SGIP1: variants seen among roughly 807,000 people sequenced by gnomAD.
SGIP1 encodes SH3GL interacting endocytic adaptor 1, also known as SH3-containing GRB2-like protein 3-interacting protein 1.
A neutral mutation model predicts 107.5 loss-of-function variants in SGIP1; 38 were observed. The observed-to-expected ratio is 0.35, with a 90% CI of 0.27 to 0.46. SGIP1 has a LOEUF of 0.46. Among genes scored for constraint, SGIP1 ranks in the 20% least tolerant of loss-of-function variants. SGIP1 has a pLI of 1.00. For synonymous variants in SGIP1, 365 were observed against 366.1 expected, an observed-to-expected ratio of 1.00 and a Z score of 0.03; for missense variants, 929 against 1,019.5, an observed-to-expected ratio of 0.91 and a Z score of 1.21.
At chr1:66,582,192 A>C (rs1436309209) in intron 1 of SGIP1, among the ~76,000 whole-genome samples, 1 of 152,092 alleles carries the variant, frequency 6.6e-6, no homozygotes, top group African/African-American at 2.4e-5. Context: ...TCTTGATTTT[A>C]AAAGGGCTCA....
At chr1:66,600,081 G>C (rs774864545) in intron 1 of SGIP1, among the ~76,000 whole-genome samples, 1 of 152,090 alleles carries the variant, frequency 6.6e-6, no homozygotes, top group African/African-American at 2.4e-5. Context: ...CAGCTTTCTC[G>C]GGCTCAGTGA....
At chr1:66,670,524 C>G (rs1285272795) in intron 9 of SGIP1, among the ~76,000 whole-genome samples, 1 of 152,182 alleles carries the variant, frequency 6.6e-6, no homozygotes, top group African/African-American at 2.4e-5. Context: ...CACTTGCTAT[C>G]TATACCTTTT....
At chr1:66,739,220 G>A (rs1334234619) in intron 21 of SGIP1, 115 bp from the exon 22 acceptor site, 14 of 1,109,378 alleles carry the variant, frequency 1.3e-5, no homozygotes, top group East Asian at 1.0e-4. Flanking sequence ...CACGCTTCAC[G>A]GTGCCTCTCA....
chr1:66,738,435 C>T (rs2094340769), intron 21 of SGIP1, among the ~76,000 whole-genome samples: 1 of 152,232 alleles, frequency 6.6e-6, no homozygotes, highest in Non-Finnish European at 1.5e-5. Context: ...TGAGAAGTGA[C>T]TTTCTTAGAC....
intron 1 of SGIP1, among the ~76,000 whole-genome samples, chr1:66,625,370 A>G (rs931168850): frequency 6.6e-6 from 1 of 152,242 alleles, no homozygotes; most frequent in African/African-American, 2.4e-5. Context: ...GACTGGAGGA[A>G]GCAGTAAAAG....
chr1:66,617,474 G>A (rs1403184162), intron 1 of SGIP1, among the ~76,000 whole-genome samples: 1 of 152,216 alleles, frequency 6.6e-6, no homozygotes, highest in African/African-American at 2.4e-5. Flanking sequence ...TTTTCTGACA[G>A]AAATACAGTG....
Position 66,727,766 on chromosome 1 carries a change from C to CA in SGIP1, c.1743-1492dup, listed in dbSNP as rs541668134. 3.1e-3 allele frequency among the ~76,000 whole-genome samples: 471 copies of CA among 152,050 alleles called. 3 individuals carry two copies. Among genetic ancestry groups the CA allele is most frequent in the African/African-American group, 0.011 (449 of 41,482 alleles). Reference sequence around the variant, plus strand: ...AAATAATTATGTGCAGTGAAAGAAACAAAAAATCACACACCTTACAATTCT... The same window carrying CA: ...AAATAATTATGTGCAGTGAAAGAAACAAAAAAATCACACACCTTACAATTCT... On this transcript the variant is annotated intron_variant, in intron 19 of 24. Coordinates refer to ENST00000371037, the MANE Select transcript of SGIP1 (RefSeq NM_032291.4).
chr1:66,724,840 G>C (rs2093686800), intron 19 of SGIP1, among the ~76,000 whole-genome samples: 1 of 152,180 alleles, frequency 6.6e-6, no homozygotes, highest in African/African-American at 2.4e-5. Context: ...TTCCCTACCA[G>C]TTAAAGAACA....
chr1:66,640,184 T>C (rs2076515882), intron 5 of SGIP1, among the ~76,000 whole-genome samples: 1 of 152,192 alleles, frequency 6.6e-6, no homozygotes, highest in Admixed American at 6.5e-5. Flanking sequence ...CCCCCACACA[T>C]ATCAGCTGTG....
At chr1:66,589,216 A>ATGTGTGTGTGTGTGTGTGTG (rs1477899813) in intron 1 of SGIP1, among the ~76,000 whole-genome samples, 3 of 96,432 alleles carry the variant, frequency 3.1e-5, no homozygotes, top group East Asian at 2.7e-4. Flanking sequence ...ATATATATAT[A>ATGTGTGTGTGTGTGTGTGTG]TGTAAGGCTT....
At chr1:66,668,168 G>A (rs747176185) in intron 9 of SGIP1, among the ~76,000 whole-genome samples, 22 of 152,122 alleles carry the variant, frequency 1.4e-4, no homozygotes, top group South Asian at 4.2e-4. Flanking sequence ...GAAAACTGTC[G>A]TTTTCCTCAA....
chr1:66,643,682 C>G lies in SGIP1; in HGVS notation c.422C>G (p.Ala141Gly). 6.2e-7 allele frequency: 1 copy of G among 1,611,452 alleles called. No homozygotes were observed. Among genetic ancestry groups the G allele is most frequent in the Non-Finnish European group, 8.5e-7 (1 of 1,179,166 alleles). ...GCTGCAACTGTAGATGAATTGAAGG[C>G]ATCAATAGGCAACATCGCACTTTCC... ...KNAATVDELKASIGNIALSPS... is the reference protein window; with the variant it reads ...KNAATVDELKGSIGNIALSPS... The change falls in exon 7 of 25, where the codon GCA becomes GGA. Residue 141 changes from alanine to glycine, a missense_variant. By Grantham distance (60) the Ala-to-Gly change is moderately conservative. Coordinates refer to ENST00000371037, the MANE Select transcript of SGIP1 (RefSeq NM_032291.4).
At chr1:66,580,348 G>A (rs1422179091) in intron 1 of SGIP1, among the ~76,000 whole-genome samples, 3 of 151,990 alleles carry the variant, frequency 2.0e-5, no homozygotes, top group Non-Finnish European at 4.4e-5. Flanking sequence ...GGGTCTTTGC[G>A]CTTACTCTTA....
chr1:66,598,599 C>T (rs1334186092), intron 1 of SGIP1, among the ~76,000 whole-genome samples: 1 of 152,130 alleles, frequency 6.6e-6, no homozygotes, highest in Non-Finnish European at 1.5e-5. Context: ...GGGGAAGCCT[C>T]AGAAAACTTA....
chr1:66,621,573 A>T (rs1180775746), intron 1 of SGIP1, among the ~76,000 whole-genome samples: 1 of 152,194 alleles, frequency 6.6e-6, no homozygotes. Context: ...CCCAAAAGGA[A>T]ATCTGTATTC....
Position 66,748,329 on chromosome 1 carries a change from A to G in SGIP1, c.*5234A>G, listed in dbSNP as rs963033380. 2 of 151,998 alleles carry G rather than the reference A, an allele frequency of 1.3e-5. No individual in the cohort carries two copies. The highest frequency in any genetic ancestry group is 2.9e-5 in the Non-Finnish European group (2 of 67,872). 9.4% of individuals were successfully genotyped at this position (151,998 alleles called of 1,614,324 possible). A position where few individuals can be genotyped will look rare whatever the true frequency, so the allele number is the denominator to read the frequency against. ...GCCTTTCTCTTGTGTCATTGCTTCAATGTTCTGTCATCTTCTGCAAGCTAG... is the reference window on the plus strand; with the variant it reads ...GCCTTTCTCTTGTGTCATTGCTTCAGTGTTCTGTCATCTTCTGCAAGCTAG... On this transcript the variant is annotated 3_prime_UTR_variant, in exon 25 of 25. Coordinates refer to ENST00000371037, the MANE Select transcript of SGIP1 (RefSeq NM_032291.4).
At chr1:66,651,676 A>G (rs375367130) in intron 7 of SGIP1, among the ~76,000 whole-genome samples, 2 of 152,190 alleles carry the variant, frequency 1.3e-5, no homozygotes, top group East Asian at 3.8e-4. Flanking sequence ...AAGACCATCC[A>G]GTCTTCTATG....
chr1:66,643,657 G>C lies in SGIP1; in HGVS notation c.397G>C (p.Ala133Pro). Reference sequence around the variant, plus strand: ...GCAATCTAAAGACATTCTTAAGAATGCTGCAACTGTAGATGAATTGAAGGC... The same window carrying C: ...GCAATCTAAAGACATTCTTAAGAATCCTGCAACTGTAGATGAATTGAAGGC... ...PLQSKDILKN[A>P]ATVDELKASI... The change falls in exon 7 of 25, where the codon GCT becomes CCT. Residue 133 changes from alanine (A) to proline (P), a missense_variant. By Grantham distance (27) the Ala-to-Pro change is conservative. Transcript: ENST00000371037. 6 of 1,612,132 alleles carry C rather than the reference G, an allele frequency of 3.7e-6. No homozygotes were observed. The highest frequency in any genetic ancestry group is 4.2e-6 in the Non-Finnish European group (5 of 1,179,398).
chr1:66,635,865 A>T, intron 3 of SGIP1, 79 bp from the exon 4 acceptor site: 1 of 1,416,414 alleles, frequency 7.1e-7, no homozygotes, highest in Non-Finnish European at 9.9e-7. Context: ...TGCTGACTCC[A>T]TGTAATTCTT....
Sources: allele counts gnomAD v4.1 joint callset (sites outside exome capture counted in the v4.1 genomes callset), GRCh38; gene constraint gnomAD v4.1.1; transcripts MANE v1.5; gene names NCBI Gene and HGNC (gene_info 2026-07-23, HGNC 2026-07-21).